The following RBFOX2 variants were observed in gnomAD, a reference collection of about 807,000 sequenced individuals.
RBFOX2 encodes the protein RNA binding fox-1 homolog 2, also known as RNA binding protein fox-1 homolog 2.
RBFOX2 carries 10 observed loss-of-function variants against 49.1 expected under a neutral mutation model. The observed-to-expected ratio is 0.20, with a 90% confidence interval of 0.13 to 0.35. RBFOX2 has a LOEUF of 0.35. RBFOX2 is among the 10% of genes least tolerant of loss of function. The probability of loss-of-function intolerance (pLI) is 1.00; values close to 1 mark genes in which losing one functional copy is unlikely to be tolerated. For synonymous variants in RBFOX2, 183 were observed against 187.4 expected (o/e 0.98, Z 0.19); for missense variants, 323 against 486.9 (o/e 0.66, Z 3.17).
chr22:35,761,290 G>A (rs1347763035), exon 8 of RBFOX2: 2 of 1,614,054 alleles, frequency 1.2e-6, no homozygotes, highest in East Asian at 4.5e-5. Flanking sequence ...CTTGAAAGCT[G>A]GATGCTGATT....
chr22:35,840,145 A>G (rs368232212), intron 1 of RBFOX2: 9 of 1,600,230 alleles, frequency 5.6e-6, no homozygotes. Context: ...CTTTATTTAG[A>G]TCCCAGAGAG....
At chr22:35,815,482 T>C (rs1234613888) in intron 1 of RBFOX2, among the ~76,000 whole-genome samples, 1 of 152,182 alleles carries the variant, frequency 6.6e-6, no homozygotes, top group Non-Finnish European at 1.5e-5. Flanking sequence ...TATCTTCTCA[T>C]TTATTCCTCA....
At chr22:36,028,438 C>T in exon 1 of RBFOX2, 2 of 1,197,756 alleles carry the variant, frequency 1.7e-6, no homozygotes, top group Admixed American at 9.0e-5. Context: ...GCCCGCGCCC[C>T]CCTCGCCTCC....
At chr22:35,887,838 C>T (rs930819099) in intron 1 of RBFOX2, among the ~76,000 whole-genome samples, 2 of 152,188 alleles carry the variant, frequency 1.3e-5, no homozygotes, top group Non-Finnish European at 2.9e-5. Context: ...TATTCTAATA[C>T]AATCATTACC....
intron 1 of RBFOX2, among the ~76,000 whole-genome samples, chr22:35,957,204 T>C (rs2055665324): frequency 6.6e-6 from 1 of 152,248 alleles, no homozygotes; most frequent in Admixed American, 6.5e-5. Context: ...ATGAGAATAC[T>C]ACCTACCTCA....
chr22:35,953,002 G>C (rs2055117984), intron 1 of RBFOX2, among the ~76,000 whole-genome samples: 1 of 151,976 alleles, frequency 6.6e-6, no homozygotes, highest in Admixed American at 6.5e-5. Context: ...ACGAGGTCAG[G>C]AGATTGAGAC....
intron 1 of RBFOX2, among the ~76,000 whole-genome samples, chr22:36,026,541 T>TACATACAC (rs5845246): frequency 3.7e-5 from 5 of 136,564 alleles, no homozygotes; most frequent in African/African-American, 1.5e-4. Flanking sequence ...AATGAATACA[T>TACATACAC]ACACACACAC....
intron 1 of RBFOX2, among the ~76,000 whole-genome samples, chr22:35,813,450 GAGAAA>G (rs980440766): frequency 2.0e-5 from 3 of 152,262 alleles, no homozygotes; most frequent in African/African-American, 7.2e-5. Context: ...TATCTCATCT[GAGAAA>G]AGAAATTACT....
At chr22:35,954,559 G>A (rs547203023) in intron 1 of RBFOX2, among the ~76,000 whole-genome samples, 1 of 152,306 alleles carries the variant, frequency 6.6e-6, no homozygotes, top group Non-Finnish European at 1.5e-5. Context: ...CAGGGCCAGG[G>A]TTAACTACCT....
intron 2 of RBFOX2, among the ~76,000 whole-genome samples, chr22:35,790,962 C>T (rs906201699): frequency 2.0e-5 from 3 of 151,866 alleles, no homozygotes; most frequent in African/African-American, 7.3e-5. Context: ...GAGCTATGAT[C>T]ATATCACTGC....
At chr22:36,003,574 C>A (rs956359496) in intron 1 of RBFOX2, among the ~76,000 whole-genome samples, 2 of 152,108 alleles carry the variant, frequency 1.3e-5, no homozygotes, top group African/African-American at 4.8e-5. Flanking sequence ...TGGTCACTGG[C>A]CTTATACGTT....
chr22:35,817,339 T>G (rs1407537195), intron 1 of RBFOX2, among the ~76,000 whole-genome samples: 1 of 151,998 alleles, frequency 6.6e-6, no homozygotes, highest in Non-Finnish European at 1.5e-5. Context: ...CAGCCAGGTG[T>G]GATGGTGCAC....
intron 1 of RBFOX2, chr22:35,898,202 A>G (rs1192424317): frequency 2.8e-5 from 21 of 755,560 alleles, no homozygotes; most frequent in Non-Finnish European, 1.2e-5. Context: ...TTGACAACAC[A>G]TCGGCCCAGG....
chr22:35,744,086 T>G, exon 12 of RBFOX2: 1 of 823,490 alleles, frequency 1.2e-6, no homozygotes, highest in Non-Finnish European at 1.7e-6. Flanking sequence ...TGTTTTTTTT[T>G]GTTTGTTTGT....
intron 1 of RBFOX2, among the ~76,000 whole-genome samples, chr22:35,846,330 TTGTGTGTGTGTG>T (rs35272106): frequency 7.8e-5 from 11 of 140,430 alleles, no homozygotes; most frequent in African/African-American, 2.1e-4. Context: ...ATTTATATAG[TTGTGTGTGTGTG>T]TGTGTGTGTG....
intron 1 of RBFOX2, among the ~76,000 whole-genome samples, chr22:35,881,450 C>T (rs2045883607): frequency 1.3e-5 from 2 of 151,924 alleles, no homozygotes; most frequent in Admixed American, 1.3e-4. Flanking sequence ...TGGTGGCACA[C>T]ATCTGTAGTC....
chr22:36,024,964 C>T (rs995497577), intron 1 of RBFOX2, among the ~76,000 whole-genome samples: 3 of 151,836 alleles, frequency 2.0e-5, no homozygotes, highest in East Asian at 3.9e-4. Context: ...CCTGCCACCA[C>T]GCCTGGCTAA....
intron 1 of RBFOX2, among the ~76,000 whole-genome samples, chr22:35,852,935 G>A (rs1344834367): frequency 6.6e-6 from 1 of 152,140 alleles, no homozygotes; most frequent in Non-Finnish European, 1.5e-5. Context: ...TCAATTTCCA[G>A]AGAAAGATTT....
intron 2 of RBFOX2, among the ~76,000 whole-genome samples, chr22:35,784,765 TGGGCTTTTGCCCCGG>T (rs1457225015): frequency 6.6e-6 from 1 of 152,180 alleles, no homozygotes; most frequent in East Asian, 1.9e-4. Context: ...TGGTGGCCCA[TGGGCTTTTGCCCCGG>T]GAGGCCCGCA....
Sources: gnomAD v4.1 joint callset for allele counts (sites outside exome capture counted in the v4.1 genomes callset) on GRCh38, gnomAD v4.1.1 for gene constraint, MANE v1.5 for transcripts, NCBI Gene and HGNC (gene_info 2026-07-23, HGNC 2026-07-21) for gene names.